The following RPL35A variants were observed in gnomAD, a reference collection of about 807,000 sequenced individuals.
The protein encoded by RPL35A is ribosomal protein L35a, also known as large ribosomal subunit protein eL33.
In RPL35A, 1 loss-of-function variant was observed where a neutral mutation model predicts 16.7. The ratio of observed to expected loss-of-function variants is 0.06; its 90% CI spans 0.02 to 0.28. RPL35A has a LOEUF of 0.28. Ranked by LOEUF, RPL35A falls within the 10% of genes least tolerant of loss-of-function variation. The pLI is 1.00. For synonymous variants in RPL35A, 58 were observed against 47.0 expected (o/e 1.23, Z -0.96); for missense variants, 91 against 138.7 (o/e 0.66, Z 1.73).
At position 197,956,370 on chromosome 3, in the gene RPL35A, T is replaced by C. The variant is rs1001938504; in HGVS notation, c.*597T>C. The stretch of plus-strand genomic sequence containing the variant: ...TGGATAGACTGGGATGAGAAGCTCT[T>C]GGGACTTGTGACTGGACAAAGCATT... On this transcript the variant is annotated 3_prime_UTR_variant, in exon 5 of 5. Transcript: ENST00000647248. 8 of 155,272 alleles carry C rather than the reference T, an allele frequency of 5.2e-5. No individual in the cohort carries two copies. The highest frequency in any genetic ancestry group is 1.9e-4 in the African/African-American group (8 of 41,452). The allele number at this position is 155,272 out of a possible 1,614,324, so 9.6% of individuals were successfully genotyped here.
At chr3:197,954,456 C>A in intron 4 of RPL35A, 1 of 418,272 alleles carries the variant, frequency 2.4e-6, no homozygotes, top group Non-Finnish European at 4.5e-6. Flanking sequence ...ACCTCAGCCC[C>A]CCAAGTAGCT....
chr3:197,954,340 T>G, intron 4 of RPL35A, 193 bp downstream of exon 4: 1 of 653,136 alleles, frequency 1.5e-6, no homozygotes, highest in South Asian at 1.9e-5. Context: ...TTTTTTGTTT[T>G]TTTTTTGGGG....
rs1720504059 is a variant in RPL35A at position 197,956,093 on chromosome 3, A to C, written c.*320A>C. The C allele has an allele frequency of 3.0e-6, 1 of 335,954 alleles. No individual in the cohort carries two copies. Among genetic ancestry groups the C allele is most frequent in the Non-Finnish European group, 5.7e-6 (1 of 175,764 alleles). 20.8% of individuals were successfully genotyped at this position (335,954 alleles called of 1,614,324 possible). A position where few individuals can be genotyped will look rare whatever the true frequency, so the allele number is the denominator to read the frequency against. On this transcript the variant is annotated 3_prime_UTR_variant, in exon 5 of 5. Coordinates refer to ENST00000647248, the MANE Select transcript of RPL35A (RefSeq NM_000996.4). ...TCCCTTGGCCTTTGAAGTAGCTGGG[A>C]CCACAGGCTCATGCCACCATCCCTG...
intron 1 of RPL35A, chr3:197,950,529 T>C: frequency 6.5e-6 from 2 of 310,062 alleles, no homozygotes; most frequent in Non-Finnish European, 1.2e-5. Context: ...TCCCAGTCCA[T>C]ACCTTCCTTG....
chr3:197,952,587 C>T (rs747643762), intron 3 of RPL35A: 1 of 152,126 alleles, frequency 6.6e-6, no homozygotes, highest in Non-Finnish European at 1.5e-5. Context: ...CTCTGCTTCC[C>T]GGGTTCAAGC....
intron 1 of RPL35A, chr3:197,950,594 G>T: frequency 2.6e-6 from 1 of 377,430 alleles, no homozygotes; most frequent in East Asian, 5.2e-5. Flanking sequence ...TTGCATAAAA[G>T]TCTTACGTGT....
chr3:197,954,931 T>C (rs1453908658), intron 4 of RPL35A, among the ~76,000 whole-genome samples: 3 of 152,232 alleles, frequency 2.0e-5, no homozygotes, highest in Non-Finnish European at 4.4e-5. Flanking sequence ...ATGTCAGTCT[T>C]GTTAGAACAG....
At chr3:197,950,812 G>C (rs1188848317) in intron 1 of RPL35A, 124 bp from the exon 2 acceptor site, 1 of 787,194 alleles carries the variant, frequency 1.3e-6, no homozygotes, top group African/African-American at 1.7e-5. Flanking sequence ...TGGCATTGTT[G>C]TCCCCGAACT....
chr3:197,954,562 TGC>T (rs2109815507), intron 4 of RPL35A: 1 of 302,126 alleles, frequency 3.3e-6, no homozygotes, highest in African/African-American at 2.2e-5. Flanking sequence ...CAGGCTGGAG[TGC>T]AGTGGCATGA....
In RPL35A at chr3:197,953,933, TAG is replaced by T. The variant is rs1720325727; in HGVS notation, c.165-67_165-66del. ...TAACCAGGGTTGAGAGCCACTCGTG[TAG>T]AGGTCACCTTGAATTTGTATCCAAC... On this transcript the variant is annotated intron_variant, in intron 3 of 4. Coordinates refer to ENST00000647248, the MANE Select transcript of RPL35A (RefSeq NM_000996.4). The T allele has an allele frequency of 5.8e-6, 9 of 1,548,372 alleles. No homozygotes were observed. The East Asian group carries it at 2.0e-4, about 35-fold the overall frequency.
intron 4 of RPL35A, among the ~76,000 whole-genome samples, chr3:197,955,216 ACT>A (rs1407753544): frequency 1.3e-5 from 2 of 151,214 alleles, no homozygotes; most frequent in Non-Finnish European, 2.9e-5. Flanking sequence ...GGAGGCTTTT[ACT>A]CTGTCTTTAG....
intron 3 of RPL35A, among the ~76,000 whole-genome samples, chr3:197,953,050 C>A (rs1439087577): frequency 6.6e-6 from 1 of 152,164 alleles, no homozygotes; most frequent in East Asian, 1.9e-4. Flanking sequence ...CCACCCGCCC[C>A]AGCCTCCCAA....
chr3:197,953,973 T>C (rs1581105638), intron 3 of RPL35A, 30 bp from the exon 4 acceptor site: 3 of 1,611,538 alleles, frequency 1.9e-6, no homozygotes, highest in Non-Finnish European at 2.5e-6. Context: ...TATCAGCTTG[T>C]ATTCCTCTTC....
chr3:197,951,424 C>G lies in RPL35A; in HGVS notation c.164+113C>G, dbSNP rs1032020025. The stretch of plus-strand genomic sequence containing the variant: ...GCTGGAATGCAGTGACTTGGTCTCC[C>G]TCACCGAAACCTCCGCCTCCCGGGT... On this transcript the variant is annotated intron_variant, in intron 3 of 4. Transcript: ENST00000647248. The G allele has an allele frequency of 3.4e-6, 4 of 1,180,756 alleles. No homozygotes were observed. In the African/African-American group the frequency reaches 4.5e-5, roughly 13 times the overall value. 73.1% of individuals were successfully genotyped at this position (1,180,756 alleles called of 1,614,324 possible). A position where few individuals can be genotyped will look rare whatever the true frequency, so the allele number is the denominator to read the frequency against.
intron 1 of RPL35A, chr3:197,950,578 C>T (rs1270844881): frequency 1.4e-5 from 5 of 345,064 alleles, no homozygotes; most frequent in Non-Finnish European, 5.3e-6. Flanking sequence ...TTTTCTCCCC[C>T]AGCCATTGCA....
At chr3:197,955,656 G>A (rs1720471323) in intron 4 of RPL35A, 94 bp from the exon 5 acceptor site, 2 of 1,109,396 alleles carry the variant, frequency 1.8e-6, no homozygotes, top group African/African-American at 1.5e-5. Context: ...CATGTAATTG[G>A]TAGCCTTTCA....
Position 197,956,152 on chromosome 3 carries a change from A to G in RPL35A, c.*379A>G, listed in dbSNP as rs1720507721. 1 of 261,308 alleles carries G rather than the reference A, an allele frequency of 3.8e-6. No homozygotes were observed. Among genetic ancestry groups the G allele is most frequent in the Non-Finnish European group, 7.6e-6 (1 of 132,056 alleles). 16.2% of individuals were successfully genotyped at this position (261,308 alleles called of 1,614,324 possible). A position where few individuals can be genotyped will look rare whatever the true frequency, so the allele number is the denominator to read the frequency against. ...TTAAATTTTTTGTAGAGAGGGTCTG[A>G]CTCTTGCCTATGCTGGCTTCAAACT... On this transcript the variant is annotated 3_prime_UTR_variant, in exon 5 of 5. Coordinates refer to ENST00000647248, the MANE Select transcript of RPL35A (RefSeq NM_000996.4).
At chr3:197,952,764 G>C (rs533999058) in intron 3 of RPL35A, 2 of 152,140 alleles carry the variant, frequency 1.3e-5, no homozygotes, top group Admixed American at 1.3e-4. Context: ...AGAGTGCTGG[G>C]ATTATAGCGC....
At position 197,951,040 on chromosome 3, in the gene RPL35A, TA is replaced by T. The variant is rs1366502411; in HGVS notation, c.11+66del. 2.5e-6 allele frequency: 4 copies of T among 1,597,226 alleles called. No individual in the cohort carries two copies. In the African/African-American group the frequency reaches 5.4e-5, roughly 21 times the overall value. On this transcript the variant is annotated intron_variant, in intron 2 of 4. Transcript: ENST00000647248. ...TTAGACGTGAACGTAAATGCGAGCTTAAAATTGGCAAGAAAAAACTTAGATG... is the reference window on the plus strand; with the variant it reads ...TTAGACGTGAACGTAAATGCGAGCTTAAATTGGCAAGAAAAAACTTAGATG...
Sources: allele counts gnomAD v4.1 joint callset (sites outside exome capture counted in the v4.1 genomes callset), GRCh38; gene constraint gnomAD v4.1.1; transcripts MANE v1.5; gene names NCBI Gene and HGNC (gene_info 2026-07-23, HGNC 2026-07-21).